Variants in ADGRB3 observed in about 807,000 individuals in gnomAD.
The protein encoded by ADGRB3 is brain-specific angiogenesis inhibitor 3.
In ADGRB3, 37 loss-of-function variants were observed where a neutral mutation model predicts 193.4. That is an observed-to-expected ratio of 0.19 (90% CI 0.15 to 0.25). The LOEUF is 0.25. Among genes scored for constraint, ADGRB3 ranks in the 10% least tolerant of loss-of-function variants. The pLI, the probability that ADGRB3 is intolerant of heterozygous loss-of-function variation, is 1.00. For missense variants in ADGRB3, 1,637 were observed against 1,852.9 expected (o/e 0.88, Z 2.14); for synonymous variants, 690 against 644.2 (o/e 1.07, Z -1.08).
rs1768404357 is a variant in ADGRB3 at position 68,653,047 on chromosome 6, G to A, written c.757+13615G>A. Among the ~76,000 whole-genome samples the A allele has an allele frequency of 2.0e-5, 3 of 152,126 alleles. No individual in the cohort carries two copies. In the South Asian group the frequency reaches 6.2e-4, roughly 32 times the overall value. On this transcript the variant is annotated intron_variant, in intron 3 of 31. Coordinates refer to ENST00000370598, the MANE Select transcript of ADGRB3 (RefSeq NM_001704.3). ...TTATATGATTGGCTCTGGCTAATGA[G>A]TTGTGAGCAAAAGTGACATTGCTCA... is the stretch of plus-strand genomic sequence containing the variant.
Position 68,638,880 on chromosome 6 carries a change from A to G in ADGRB3, c.205A>G (p.Ile69Val). Residue 69 changes from isoleucine to valine, a missense_variant, in exon 3 of 32, where the codon ATT becomes GTT. By Grantham distance (29) the Ile-to-Val change is conservative (BLOSUM62 3). This residue lies in a region of ADGRB3 where 365 missense variants were observed against 409.8 expected (regional missense o/e 0.89). Coordinates refer to ENST00000370598, the MANE Select transcript of ADGRB3 (RefSeq NM_001704.3). ...LENPDPTKYS[I>V]YLKFSKKDLS... ...AAATCCAGATCCAACCAAATATAGC[A>G]TTTACCTGAAATTTTCCAAAAAGGA... is the stretch of plus-strand genomic sequence containing the variant. 6.2e-7 allele frequency: 1 copy of G among 1,614,118 alleles called. No homozygotes were observed. Among genetic ancestry groups the G allele is most frequent in the Non-Finnish European group, 8.5e-7 (1 of 1,180,008 alleles).
At chr6:68,949,620 C>A (rs1361551163) in intron 6 of ADGRB3, among the ~76,000 whole-genome samples, 1 of 152,084 alleles carries the variant, frequency 6.6e-6, no homozygotes, top group Non-Finnish European at 1.5e-5. Context: ...GTTCAAAGGT[C>A]CCTGATTGTG....
Position 68,937,751 on chromosome 6 carries a change from A to C in ADGRB3, c.1030+1071A>C, listed in dbSNP as rs139073584. ...GGAATAATGTCAGTTTTCCAGCAGAATATGCAAAGGGGTCCATTAAAAGAC... is the reference window on the plus strand; with the variant it reads ...GGAATAATGTCAGTTTTCCAGCAGACTATGCAAAGGGGTCCATTAAAAGAC... On this transcript the variant is annotated intron_variant, in intron 5 of 31. Coordinates refer to ENST00000370598, the MANE Select transcript of ADGRB3 (RefSeq NM_001704.3). 2.6e-5 allele frequency among the ~76,000 whole-genome samples: 4 copies of C among 152,172 alleles called. No homozygotes were observed. The South Asian group carries it at 8.3e-4, about 32-fold the overall frequency.
chr6:69,371,944 C>A (rs1400445116), intron 29 of ADGRB3, among the ~76,000 whole-genome samples: 1 of 152,058 alleles, frequency 6.6e-6, no homozygotes, highest in Non-Finnish European at 1.5e-5. Flanking sequence ...ACTTAGAGGA[C>A]TGGTTAGAAT....
intron 3 of ADGRB3, among the ~76,000 whole-genome samples, chr6:68,719,347 T>C (rs193082887): frequency 1.3e-4 from 19 of 151,870 alleles, no homozygotes; most frequent in African/African-American, 4.6e-4. Context: ...GACCGAATAA[T>C]TGAATGTTAA....
At chr6:68,679,224 C>T (rs1398682955) in intron 3 of ADGRB3, among the ~76,000 whole-genome samples, 1 of 151,780 alleles carries the variant, frequency 6.6e-6, no homozygotes, top group Non-Finnish European at 1.5e-5. Context: ...TGTAATAAAC[C>T]CCAAACTGAA....
Position 68,638,959 on chromosome 6 carries a change from A to G in ADGRB3, c.284A>G (p.His95Arg). The G allele has an allele frequency of 1.9e-6, 3 of 1,614,012 alleles. No individual in the cohort carries two copies. The highest frequency in any genetic ancestry group is 1.3e-5 in the African/African-American group (1 of 75,030). ...GCTTATCAGTTTGATCATTTTTCCC[A>G]TGAAAAAATAAAGGATCTTTTAAGA... Reference protein sequence around the residue: ...LLAYQFDHFSHEKIKDLLRKN... With the variant: ...LLAYQFDHFSREKIKDLLRKN... Residue 95 changes from histidine (H) to arginine (R), a missense_variant, in exon 3 of 32, where the codon CAT becomes CGT. His to Arg is a conservative substitution (Grantham distance 29). Transcript: ENST00000370598.
intron 17 of ADGRB3, among the ~76,000 whole-genome samples, chr6:69,092,652 G>A (rs1772747385): frequency 6.6e-6 from 1 of 152,156 alleles, no homozygotes. Context: ...GTTACAGTTA[G>A]TGATGAAAAC....
At chr6:68,888,288 T>C (rs1445941184) in intron 3 of ADGRB3, among the ~76,000 whole-genome samples, 3 of 152,144 alleles carry the variant, frequency 2.0e-5, no homozygotes, top group African/African-American at 7.2e-5. Context: ...TGCAGTTCAA[T>C]AAATGTTTTC....
At position 68,638,839 on chromosome 6, in the gene ADGRB3, G is replaced by A. The variant is rs750198649; in HGVS notation, c.164G>A (p.Cys55Tyr). The change falls in exon 3 of 32, where the codon TGC (cysteine) becomes TAC (tyrosine). Residue 55 changes from cysteine (C) to tyrosine (Y), a missense_variant. Physicochemically the swap from Cys to Tyr is radical, Grantham distance 194. Coordinates refer to ENST00000370598, the MANE Select transcript of ADGRB3 (RefSeq NM_001704.3). Reference sequence around the variant, plus strand: ...ATGTTTCCTAAAAACTTTACAAACTGCACTTGGACGCTGGAAAATCCAGAT... The same window carrying A: ...ATGTTTCCTAAAAACTTTACAAACTACACTTGGACGCTGGAAAATCCAGAT... ...SEMFPKNFTN[C>Y]TWTLENPDPT... The A allele has an allele frequency of 6.2e-7, 1 of 1,614,050 alleles. No homozygotes were observed. Among genetic ancestry groups the A allele is most frequent in the Non-Finnish European group, 8.5e-7 (1 of 1,180,020 alleles).
At chr6:69,237,421 T>G (rs1239592627) in intron 19 of ADGRB3, among the ~76,000 whole-genome samples, 1 of 152,012 alleles carries the variant, frequency 6.6e-6, no homozygotes, top group South Asian at 2.1e-4. Flanking sequence ...CACCTATAGA[T>G]AAGTTTGGCA....
At chr6:69,185,399 A>G (rs950709505) in intron 17 of ADGRB3, among the ~76,000 whole-genome samples, 3 of 152,120 alleles carry the variant, frequency 2.0e-5, no homozygotes, top group African/African-American at 4.8e-5. Context: ...AAACCCTCCC[A>G]CATCTTTCAT....
At chr6:68,940,331 G>A in intron 5 of ADGRB3, among the ~76,000 whole-genome samples, 1 of 151,892 alleles carries the variant, frequency 6.6e-6, no homozygotes, top group Non-Finnish European at 1.5e-5. Context: ...TCCATCCTGT[G>A]TATTTTTTTA....
At chr6:69,188,182 A>G (rs1765107574) in intron 17 of ADGRB3, among the ~76,000 whole-genome samples, 1 of 152,180 alleles carries the variant, frequency 6.6e-6, no homozygotes, top group African/African-American at 2.4e-5. Flanking sequence ...AATAAAACTA[A>G]AAGGTTAATT....
At chr6:69,053,090 G>A (rs1289486551) in intron 15 of ADGRB3, among the ~76,000 whole-genome samples, 1 of 152,158 alleles carries the variant, frequency 6.6e-6, no homozygotes, top group South Asian at 2.1e-4. Context: ...GGAGGCTTAG[G>A]TGGTAGAATC....
rs1278416959 is a variant in ADGRB3 at position 69,195,476 on chromosome 6, A to G, written c.2481-37814A>G. On this transcript the variant is annotated intron_variant, in intron 17 of 31. Transcript: ENST00000370598. ...GGAGTTGGAGGCTGCAATAATCATG[A>G]TGGCACACTGCACATTAGCCTCAAT... is the stretch of plus-strand genomic sequence containing the variant. Among the ~76,000 whole-genome samples, 3 of 147,288 alleles carry G rather than the reference A, an allele frequency of 2.0e-5. No individual in the cohort carries two copies. The East Asian group carries it at 6.4e-4, about 31-fold the overall frequency.
intron 17 of ADGRB3, among the ~76,000 whole-genome samples, chr6:69,166,621 A>T (rs868469951): frequency 6.6e-6 from 1 of 152,104 alleles, no homozygotes; most frequent in African/African-American, 2.4e-5. Flanking sequence ...GTGGGGGTTA[A>T]TGAGACTTAA....
At chr6:68,912,606 A>C (rs1766749189) in intron 3 of ADGRB3, among the ~76,000 whole-genome samples, 1 of 152,042 alleles carries the variant, frequency 6.6e-6, no homozygotes, top group Non-Finnish European at 1.5e-5. Flanking sequence ...CCTATGAGTG[A>C]GAACATGTGG....
At chr6:68,788,338 G>T (rs1767020986) in intron 3 of ADGRB3, among the ~76,000 whole-genome samples, 1 of 152,050 alleles carries the variant, frequency 6.6e-6, no homozygotes, top group African/African-American at 2.4e-5. Context: ...GTGTCCCAGA[G>T]ATTCTGGTAT....
Sources: gnomAD v4.1 joint callset for allele counts (sites outside exome capture counted in the v4.1 genomes callset) on GRCh38, gnomAD v4.1.1 for gene constraint, gnomAD v4.1.1 regional missense constraint, MANE v1.5 for transcripts, NCBI Gene and HGNC (gene_info 2026-07-23, HGNC 2026-07-21) for gene names.